NCOR1: variants seen among roughly 807,000 people sequenced by gnomAD.
NCOR1 encodes the protein nuclear receptor corepressor 1, also known as protein phosphatase 1, regulatory subunit 109.
Under a neutral mutation model 288.1 loss-of-function variants are expected in NCOR1, and 63 were observed. That is an observed-to-expected ratio of 0.22 (90% CI 0.18 to 0.27). NCOR1 has a LOEUF of 0.27. Among genes scored for constraint, NCOR1 ranks in the 10% least tolerant of loss-of-function variants. The probability of loss-of-function intolerance (pLI) is 1.00; values close to 1 mark genes in which losing one functional copy is unlikely to be tolerated. For missense variants in NCOR1, 2,397 were observed against 3,019.2 expected (o/e 0.79, Z 4.83); for synonymous variants, 1,007 against 1,065.9 (o/e 0.94, Z 1.08).
chr17:16,079,351 TTC>T (rs1310072922), intron 26 of NCOR1, among the ~76,000 whole-genome samples: 1 of 152,224 alleles, frequency 6.6e-6, no homozygotes, highest in Non-Finnish European at 1.5e-5. Flanking sequence ...AGGCACAGGT[TTC>T]TGTTTACAAT....
intron 45 of NCOR1, 129 bp from the exon 46 acceptor site, chr17:16,032,612 A>G (rs1972327793): frequency 1.2e-6 from 1 of 829,378 alleles, no homozygotes; most frequent in Non-Finnish European, 1.8e-6. Context: ...AAGCAAAATG[A>G]ATACAACACG....
chr17:16,051,869 C>T (rs1427774959), intron 40 of NCOR1, among the ~76,000 whole-genome samples: 1 of 152,008 alleles, frequency 6.6e-6, no homozygotes, highest in East Asian at 1.9e-4. Flanking sequence ...TGAGATCGCG[C>T]CATTGCATTC....
chr17:16,054,831 C>G (rs1450002542), intron 40 of NCOR1, among the ~76,000 whole-genome samples: 2 of 152,112 alleles, frequency 1.3e-5, no homozygotes, highest in Non-Finnish European at 2.9e-5. Flanking sequence ...ACTTAGGAGG[C>G]TGAGGCAGGA....
intron 22 of NCOR1, among the ~76,000 whole-genome samples, 154 bp from the exon 23 acceptor site, chr17:16,086,596 C>T (rs186893600): frequency 1.3e-5 from 2 of 152,310 alleles, no homozygotes; most frequent in African/African-American, 2.4e-5. Context: ...TTCTCATTCA[C>T]GTAAGCCTGT....
intron 20 of NCOR1, 150 bp downstream of exon 20, chr17:16,101,100 G>T (rs190104437): frequency 1.8e-4 from 130 of 720,476 alleles, no homozygotes; most frequent in Admixed American, 6.9e-4. Flanking sequence ...TATTTAAACA[G>T]AACAGTATCA....
chr17:16,118,613 G>A (rs185072199), intron 17 of NCOR1, among the ~76,000 whole-genome samples: 14 of 152,064 alleles, frequency 9.2e-5, no homozygotes, highest in East Asian at 7.7e-4. Flanking sequence ...ACACACATAC[G>A]TGCAAAGAAT....
intron 34 of NCOR1, 85 bp from the exon 35 acceptor site, chr17:16,064,272 A>G: frequency 3.3e-6 from 5 of 1,504,270 alleles, no homozygotes; most frequent in Non-Finnish European, 4.5e-6. Context: ...AAGTGACTGA[A>G]AATTTTTCAA....
chr17:16,161,026 C>T (rs2080740490), intron 5 of NCOR1, among the ~76,000 whole-genome samples: 1 of 152,104 alleles, frequency 6.6e-6, no homozygotes, highest in African/African-American at 2.4e-5. Context: ...AGTCTGTTAT[C>T]TGTACAAGCA....
Position 16,137,284 on chromosome 17 carries a change from A to G in NCOR1, c.1509+27T>C, listed in dbSNP as rs373565516. On this transcript the variant is annotated intron_variant, in intron 14 of 45. Coordinates refer to ENST00000268712, the MANE Select transcript of NCOR1 (RefSeq NM_006311.4). Reference sequence around the variant, plus strand: ...TGCCTATTTCCCCCAATCCTGAAATATCTTCCATACAAGTAAGAAAACACA... The same window carrying G: ...TGCCTATTTCCCCCAATCCTGAAATGTCTTCCATACAAGTAAGAAAACACA... 23 of 1,468,250 alleles carry G rather than the reference A, an allele frequency of 1.6e-5. No individual in the cohort carries two copies. In the African/African-American group the frequency reaches 2.1e-4, roughly 13 times the overall value. The allele number at this position is 1,468,250 out of a possible 1,614,324, so 91.0% of individuals were successfully genotyped here. A position where few individuals can be genotyped will look rare whatever the true frequency, so the allele number is the denominator to read the frequency against.
At chr17:16,087,091 T>G in intron 22 of NCOR1, 2 of 1,014,378 alleles carry the variant, frequency 2.0e-6, no homozygotes. Context: ...GAAGAGCAGT[T>G]CATTCACGAG....
At chr17:16,096,189 G>A (rs1041011281) in intron 21 of NCOR1, among the ~76,000 whole-genome samples, 1 of 152,100 alleles carries the variant, frequency 6.6e-6, no homozygotes, top group African/African-American at 2.4e-5. Flanking sequence ...CAAACACTCT[G>A]CCTAGGAAAA....
chr17:16,149,085 G>T (rs2078464071), intron 9 of NCOR1, among the ~76,000 whole-genome samples: 1 of 151,952 alleles, frequency 6.6e-6, no homozygotes, highest in Non-Finnish European at 1.5e-5. Flanking sequence ...ATAAAAGAAA[G>T]AATAGTAATG....
At chr17:16,096,535 A>C (rs2066650954) in intron 21 of NCOR1, among the ~76,000 whole-genome samples, 1 of 152,232 alleles carries the variant, frequency 6.6e-6, no homozygotes, top group Non-Finnish European at 1.5e-5. Flanking sequence ...GCTTAATGCT[A>C]CTACTGTTTT....
chr17:16,151,817 G>A (rs879724918), intron 8 of NCOR1, 129 bp downstream of exon 8: 31 of 955,792 alleles, frequency 3.2e-5, no homozygotes, highest in African/African-American at 3.1e-4. Context: ...ATAATAAAAC[G>A]ACAGCAAATT....
intron 14 of NCOR1, among the ~76,000 whole-genome samples, chr17:16,131,995 C>A (rs1427380181): frequency 6.6e-6 from 1 of 152,216 alleles, no homozygotes; most frequent in African/African-American, 2.4e-5. Flanking sequence ...GGGCAGAGCA[C>A]TCTGGGGCTA....
chr17:16,061,656 T>C lies in NCOR1; in HGVS notation c.5626A>G (p.Arg1876Gly). 1 of 1,614,230 alleles carries C rather than the reference T, an allele frequency of 6.2e-7. No individual in the cohort carries two copies. Among genetic ancestry groups the C allele is most frequent in the Non-Finnish European group, 8.5e-7 (1 of 1,180,042 alleles). ...LEQKTLEVEK[R>G]SVQCLYTSSA... ...GAAGTGTATAAACACTGAACAGATC[T>C]CTTCTCCACCTCCAGGGTTTTCTGC... Residue 1876 changes from arginine to glycine, a missense_variant, in exon 37 of 46, where the codon AGA (arginine) becomes GGA (glycine). Arg to Gly is a moderately radical substitution (Grantham distance 125). Around this residue, in one of 11 missense-constraint regions of NCOR1, gnomAD observed 1,872 missense variants for 2,187.8 expected, o/e 0.86. Coordinates refer to ENST00000268712, the MANE Select transcript of NCOR1 (RefSeq NM_006311.4).
chr17:16,059,114 G>A (rs1037840647), intron 37 of NCOR1, among the ~76,000 whole-genome samples: 2 of 149,926 alleles, frequency 1.3e-5, no homozygotes, highest in Non-Finnish European at 3.0e-5. Flanking sequence ...ACTGGAATGA[G>A]GCAGAACAGA....
chr17:16,157,390 T>A (rs995121563), intron 6 of NCOR1, among the ~76,000 whole-genome samples: 2 of 152,198 alleles, frequency 1.3e-5, no homozygotes, highest in Admixed American at 6.5e-5. Context: ...CGTAAGTATA[T>A]TTCTGATGAC....
intron 1 of NCOR1, among the ~76,000 whole-genome samples, chr17:16,196,087 G>T (rs1024666176): frequency 1.3e-5 from 2 of 149,658 alleles, no homozygotes; most frequent in Non-Finnish European, 3.0e-5. Context: ...ACCTAATTGG[G>T]TGGTTTTAAA....
Sources: gnomAD v4.1 joint callset for allele counts (sites outside exome capture counted in the v4.1 genomes callset) on GRCh38, gnomAD v4.1.1 for gene constraint, gnomAD v4.1.1 regional missense constraint, MANE v1.5 for transcripts, NCBI Gene and HGNC (gene_info 2026-07-23, HGNC 2026-07-21) for gene names.